Variants in SLC25A39 observed in about 807,000 individuals in gnomAD.
SLC25A39 encodes the protein mitochondrial glutathione transporter SLC25A39.
SLC25A39 carries 44 observed loss-of-function variants against 46.6 expected under a neutral mutation model. The ratio of observed to expected loss-of-function variants is 0.94; its 90% CI spans 0.74 to 1.21. SLC25A39 has a LOEUF of 1.21. Ranked by LOEUF, SLC25A39 falls within the 50% of genes most tolerant of loss-of-function variation. SLC25A39 has a pLI of 0.00. For missense variants in SLC25A39, 487 were observed against 473.0 expected (o/e 1.03, Z -0.28); for synonymous variants, 218 against 190.6 (o/e 1.14, Z -1.19).
At chr17:44,323,047 C>T (rs1294449315) in intron 3 of SLC25A39, among the ~76,000 whole-genome samples, 195 bp from the exon 4 acceptor site, 1 of 152,158 alleles carries the variant, frequency 6.6e-6, no homozygotes, top group Non-Finnish European at 1.5e-5. Flanking sequence ...CTCAGCCTCC[C>T]AGGTAGCTGG....
At position 44,319,902 on chromosome 17, in the gene SLC25A39, G is replaced by GC; in HGVS notation, c.*98dup. 1 of 1,161,832 alleles carries GC rather than the reference G, an allele frequency of 8.6e-7. No homozygotes were observed. Among genetic ancestry groups the GC allele is most frequent in the Admixed American group, 2.0e-5 (1 of 51,128 alleles). The allele number at this position is 1,161,832 out of a possible 1,614,324, so 72.0% of individuals were successfully genotyped here. ...TGTCGCCGGGAGGGAAGGGAAACAA[G>GC]CCCCCTCCCTCAGTGCTGAGGAAAA... On this transcript the variant is annotated 3_prime_UTR_variant, in exon 12 of 12. Transcript: ENST00000377095.
intron 1 of SLC25A39, 135 bp from the exon 2 acceptor site, chr17:44,323,712 T>C (rs926757276): frequency 1.4e-5 from 9 of 641,402 alleles, no homozygotes; most frequent in East Asian, 2.7e-5. Flanking sequence ...TGGCACCATC[T>C]TGGCTCACTG....
Position 44,320,443 on chromosome 17 carries a change from G to T in SLC25A39, c.802-7C>A. The T allele has an allele frequency of 1.2e-6, 2 of 1,613,414 alleles. No individual in the cohort carries two copies. Among genetic ancestry groups the T allele is most frequent in the Middle Eastern group, 1.7e-4 (1 of 6,054 alleles). ...GAGTCAGCACTGCAGCCACCTGGTG[G>T]GGTGGGCGGGGAGAGGGCTCAGCTC... On this transcript the variant is annotated splice_region_variant and splice_polypyrimidine_tract_variant and intron_variant, in intron 9 of 11. Transcript: ENST00000377095.
rs372562012 is a variant in SLC25A39 at position 44,322,403 on chromosome 17, C to T, written c.324+16G>A. The T allele has an allele frequency of 2.1e-4, 341 of 1,613,852 alleles. No individual in the cohort carries two copies. The highest frequency in any genetic ancestry group is 2.8e-4 in the Non-Finnish European group (328 of 1,179,978). On this transcript the variant is annotated intron_variant, in intron 5 of 11. Coordinates refer to ENST00000377095, the MANE Select transcript of SLC25A39 (RefSeq NM_001143780.3). ...ACGGACACCGACGAATCCCTACGGACCCAGCTGCTCCTCACCATGGTGCCA... is the reference window on the plus strand; with the variant it reads ...ACGGACACCGACGAATCCCTACGGATCCAGCTGCTCCTCACCATGGTGCCA...
intron 2 of SLC25A39, 29 bp downstream of exon 2, chr17:44,323,439 ATCCCCACCCG>A: frequency 7.8e-6 from 2 of 257,106 alleles, no homozygotes; most frequent in Non-Finnish European, 1.1e-5. Context: ...GGTCTGCCCC[ATCCCCACCCG>A]CCCCCACCCC....
chr17:44,320,196 C>A lies in SLC25A39; in HGVS notation c.964G>T (p.Gly322Cys). ...CCACCCCCGACACCCACACACTGACCTGCAAAGAGTCCCTTGGTGCCCGAC... is the reference window on the plus strand; with the variant it reads ...CCACCCCCGACACCCACACACTGACATGCAAAGAGTCCCTTGGTGCCCGAC... ...AESGTKGLFA[G>C]FLPRIIKAAP... The change falls in exon 11 of 12, where the codon GGC (glycine) becomes TGC (cysteine). Residue 322 changes from glycine (G) to cysteine (C), a missense_variant and splice_region_variant. Gly to Cys is a radical substitution (Grantham distance 159). Coordinates refer to ENST00000377095, the MANE Select transcript of SLC25A39 (RefSeq NM_001143780.3). The A allele has an allele frequency of 6.2e-7, 1 of 1,614,014 alleles. No individual in the cohort carries two copies. The highest frequency in any genetic ancestry group is 8.5e-7 in the Non-Finnish European group (1 of 1,180,012).
rs192077377 is a variant in SLC25A39, at chr17:44,320,549, G to A, written c.801+73C>T. On this transcript the variant is annotated intron_variant, in intron 9 of 11. Transcript: ENST00000377095. ...AAAGGCCTCATGGGGTCTGCTTCTGGGCATCTCCAAAAATCCTCAGGCCCC... is the reference window on the plus strand; with the variant it reads ...AAAGGCCTCATGGGGTCTGCTTCTGAGCATCTCCAAAAATCCTCAGGCCCC... 4,739 of 1,576,212 alleles carry A rather than the reference G, an allele frequency of 3.0e-3. 55 individuals carry two copies. Among genetic ancestry groups the A allele is most frequent in the South Asian group, 0.023 (2,039 of 90,084 alleles).
intron 1 of SLC25A39, chr17:44,324,100 G>A (rs2048150619): frequency 6.2e-6 from 1 of 161,396 alleles, no homozygotes; most frequent in Non-Finnish European, 1.4e-5. Flanking sequence ...TCACTCAGGA[G>A]TGGTTCCGAA....
intron 2 of SLC25A39, 33 bp downstream of exon 2, chr17:44,323,445 A>ACCCCCCCCCCC: frequency 3.0e-6 from 1 of 333,790 alleles, no homozygotes; most frequent in Non-Finnish European, 4.3e-6. Flanking sequence ...CCCCATCCCC[A>ACCCCCCCCCCC]CCCGCCCCCA....
chr17:44,320,405 A>G lies in SLC25A39; in HGVS notation c.833T>C (p.Val278Ala). ...AGCGACCTGGCGTTGGGTCTTTACC[A>G]CGTCAAAGGGTAGAGTCAGCACTGC... ...VAAVLTLPFD[V>A]VKTQRQVALG... The change falls in exon 10 of 12, where the codon GTG (valine) becomes GCG (alanine). Residue 278 changes from valine (V) to alanine (A), a missense_variant. By Grantham distance (64) the Val-to-Ala change is moderately conservative. Transcript: ENST00000377095. 6.2e-7 allele frequency: 1 copy of G among 1,613,542 alleles called. No homozygotes were observed.
At position 44,323,534 on chromosome 17, in the gene SLC25A39, C is replaced by T; in HGVS notation, c.29G>A (p.Ser10Asn). 1 of 1,469,560 alleles carries T rather than the reference C, an allele frequency of 6.8e-7. No individual in the cohort carries two copies. Among genetic ancestry groups the T allele is most frequent in the Non-Finnish European group, 9.1e-7 (1 of 1,098,002 alleles). The allele number at this position is 1,469,560 out of a possible 1,614,324, so 91.0% of individuals were successfully genotyped here. A position where few individuals can be genotyped will look rare whatever the true frequency, so the allele number is the denominator to read the frequency against. ...TGAGGCCACCATTTGCTGGAGGGGG[C>T]TGATGCCCGCAGGGTCCTGGTCAGC... MADQDPAGISPLQQMVASGT... is the reference protein window; with the variant it reads MADQDPAGINPLQQMVASGT... The change falls in exon 2 of 12, where the codon AGC becomes AAC. Residue 10 changes from serine to asparagine, a missense_variant. Transcript: ENST00000377095.
At chr17:44,322,701 G>A (rs2048089290) in intron 4 of SLC25A39, 107 bp downstream of exon 4, 10 of 1,571,184 alleles carry the variant, frequency 6.4e-6, no homozygotes, top group Admixed American at 1.9e-5. Context: ...GGACCTGGGA[G>A]TATATGCTAG....
chr17:44,320,516 G>A, intron 9 of SLC25A39, 80 bp from the exon 10 acceptor site: 2 of 1,593,362 alleles, frequency 1.3e-6, no homozygotes, highest in Non-Finnish European at 1.7e-6. Flanking sequence ...CTTGCGGCTG[G>A]GAGGGACAAA....
Position 44,320,286 on chromosome 17 carries a change from C to A in SLC25A39, c.884-10G>T, listed in dbSNP as rs373437405. On this transcript the variant is annotated splice_polypyrimidine_tract_variant and intron_variant, in intron 10 of 11. Coordinates refer to ENST00000377095, the MANE Select transcript of SLC25A39 (RefSeq NM_001143780.3). ...ACATGCAGGGGGTTCACTGCAAACG[C>A]GAGGCCGGCTCAGTGAGACCCCATT... 6.8e-6 allele frequency: 11 copies of A among 1,613,646 alleles called. No homozygotes were observed. Among genetic ancestry groups the A allele is most frequent in the Middle Eastern group, 1.7e-4 (1 of 6,056 alleles).
At position 44,322,869 on chromosome 17, in the gene SLC25A39, C is replaced by T. The variant is rs1357097148; in HGVS notation, c.146-17G>A. 13 of 1,613,728 alleles carry T rather than the reference C, an allele frequency of 8.1e-6. No homozygotes were observed. The highest frequency in any genetic ancestry group is 8.0e-5 in the African/African-American group (6 of 74,886). On this transcript the variant is annotated splice_polypyrimidine_tract_variant and intron_variant, in intron 3 of 11. Transcript: ENST00000377095. Reference sequence around the variant, plus strand: ...GCATCAGCTCTAAAATACAAGGCAGCCCCTCAAGTCAGGAGAGCCCCCACC... The same window carrying T: ...GCATCAGCTCTAAAATACAAGGCAGTCCCTCAAGTCAGGAGAGCCCCCACC...
intron 9 of SLC25A39, 92 bp downstream of exon 9, chr17:44,320,530 C>T: frequency 6.3e-7 from 1 of 1,577,892 alleles, no homozygotes; most frequent in South Asian, 1.1e-5. Flanking sequence ...GGACAAAGGC[C>T]TCATGGGGTC....
rs754735534 is a variant in SLC25A39 at position 44,321,159 on chromosome 17, C to G, written c.590G>C (p.Arg197Pro). 6.2e-7 allele frequency: 1 copy of G among 1,612,990 alleles called. No homozygotes were observed. Among genetic ancestry groups the G allele is most frequent in the Non-Finnish European group, 8.5e-7 (1 of 1,179,944 alleles). Reference protein sequence around the residue: ...TKLQAQHVSYRELGACVRTAV... With the variant: ...TKLQAQHVSYPELGACVRTAV... Reference sequence around the variant, plus strand: ...AGTTCGAACACAGGCACCCAGCTCCCGGTACGACACATGCTGAGCCTGCAG... The same window carrying G: ...AGTTCGAACACAGGCACCCAGCTCCGGGTACGACACATGCTGAGCCTGCAG... The change falls in exon 8 of 12, where the codon CGG becomes CCG. Residue 197 changes from arginine to proline, a missense_variant. By Grantham distance (103) the Arg-to-Pro change is moderately radical. Coordinates refer to ENST00000377095, the MANE Select transcript of SLC25A39 (RefSeq NM_001143780.3).
Position 44,322,481 on chromosome 17 carries a change from A to T in SLC25A39, c.262T>A (p.Cys88Ser), listed in dbSNP as rs749992745. The T allele has an allele frequency of 2.9e-5, 47 of 1,614,074 alleles. No individual in the cohort carries two copies. The Admixed American group carries it at 7.8e-4, about 27-fold the overall frequency. Residue 88 changes from cysteine to serine, a missense_variant, in exon 5 of 12, where the codon TGC becomes AGC. Physicochemically the swap from Cys to Ser is moderately radical, Grantham distance 112 (BLOSUM62 -1). Transcript: ENST00000377095. ...GTGGCACAGCGGGCACCATTTGGGC[A>T]CAGGTACAGAGGCTCCAGGACACCA... ...CNGVLEPLYL[C>S]PNGARCATWF...
chr17:44,322,348 G>T (rs1018309672), intron 5 of SLC25A39, 71 bp downstream of exon 5: 7 of 1,577,552 alleles, frequency 4.4e-6, no homozygotes, highest in Non-Finnish European at 6.1e-6. Context: ...TTTACTCCTG[G>T]GTCTGCTGCC....
Sources: gnomAD v4.1 joint callset for allele counts (sites outside exome capture counted in the v4.1 genomes callset) on GRCh38, gnomAD v4.1.1 for gene constraint, MANE v1.5 for transcripts, NCBI Gene and HGNC (gene_info 2026-07-23, HGNC 2026-07-21) for gene names.